GSDME: variants seen among roughly 807,000 people sequenced by gnomAD.
GSDME encodes the protein gasdermin E, also known as gasdermin-E.
Under a neutral mutation model 47.5 loss-of-function variants are expected in GSDME, and 44 were observed. The observed-to-expected ratio is 0.93, with a 90% CI of 0.73 to 1.19. The LOEUF is 1.19. Ranked by LOEUF, GSDME falls within the 50% of genes most tolerant of loss-of-function variation. GSDME has a pLI of 0.00. For synonymous variants in GSDME, 258 were observed against 252.8 expected (o/e 1.02, Z -0.20); for missense variants, 663 against 604.2 (o/e 1.10, Z -1.02).
intron 5 of GSDME, 36 bp from the exon 6 acceptor site, chr7:24,710,424 T>C (rs891388393): frequency 9.9e-6 from 16 of 1,612,676 alleles, no homozygotes; most frequent in African/African-American, 1.3e-5. Flanking sequence ...TTAGGTAAAG[T>C]TGAGTCTAAG....
intron 2 of GSDME, among the ~76,000 whole-genome samples, chr7:24,747,819 C>T (rs542980066): frequency 1.6e-4 from 24 of 152,142 alleles, no homozygotes; most frequent in Middle Eastern, 3.4e-3. Context: ...ACGTGTATGC[C>T]ACCATGCCTG....
chr7:24,748,144 G>GTA (rs149368687), intron 2 of GSDME, among the ~76,000 whole-genome samples: 1,950 of 140,886 alleles, frequency 0.014, 22 homozygotes, highest in Non-Finnish European at 0.021. Flanking sequence ...ATTATATAGA[G>GTA]TATATATATA....
chr7:24,703,218 C>G (rs1225841501), intron 8 of GSDME: 1 of 340,776 alleles, frequency 2.9e-6, no homozygotes, highest in Non-Finnish European at 5.7e-6. Context: ...GTACACCTCT[C>G]TCAGCCTCAG....
chr7:24,708,235 C>G lies in GSDME; in HGVS notation c.882G>C (p.Arg294Ser). 6.2e-7 allele frequency: 1 copy of G among 1,614,128 alleles called. No individual in the cohort carries two copies. The highest frequency in any genetic ancestry group is 8.5e-7 in the Non-Finnish European group (1 of 1,180,022). ...GCAGCTCCGCAAATGGATGGAAATT[C>G]CTCTCCAGGAGCAGGGTCGCTGTGA... ...VLKQATLLLE[R>S]NFHPFAELPE... Residue 294 changes from arginine (R) to serine (S), a missense_variant, in exon 7 of 10, where the codon AGG (arginine) becomes AGC (serine). By Grantham distance (110) the Arg-to-Ser change is moderately radical (BLOSUM62 -1). Transcript: ENST00000645220.
upstream of GSDME, among the ~76,000 whole-genome samples, chr7:24,761,947 T>A (rs1440044651): frequency 6.6e-6 from 1 of 152,178 alleles, no homozygotes; most frequent in East Asian, 1.9e-4. This position sits in a 1 kb window ranked among gnomAD's most constrained non-coding sequence, Gnocchi z 4.4. Flanking sequence ...CCGCCCTTGT[T>A]TTCATGAAAG....
chr7:24,767,731 T>G, the GSDME span, among the ~76,000 whole-genome samples: 1 of 152,200 alleles, frequency 6.6e-6, no homozygotes, highest in African/African-American at 2.4e-5. This position sits in a 1 kb window ranked among gnomAD's most constrained non-coding sequence, Gnocchi z 5.3. Flanking sequence ...ATTTTGTATT[T>G]TCCAAAATTC....
chr7:24,793,909 T>C, the GSDME span, among the ~76,000 whole-genome samples: 1 of 152,188 alleles, frequency 6.6e-6, no homozygotes, highest in Non-Finnish European at 1.5e-5. Flanking sequence ...ACAGATTGAA[T>C]GTATTTGGGC....
chr7:24,708,934 C>T (rs1378932187), intron 6 of GSDME, among the ~76,000 whole-genome samples: 2 of 152,136 alleles, frequency 1.3e-5, no homozygotes, highest in Non-Finnish European at 2.9e-5. Flanking sequence ...TTTTAAGATA[C>T]TCAGAAGCTT....
the GSDME span, among the ~76,000 whole-genome samples, chr7:24,794,206 CTT>C: frequency 3.3e-5 from 5 of 152,074 alleles, no homozygotes; most frequent in East Asian, 7.7e-4. Flanking sequence ...GCCTCTTTCT[CTT>C]TGACTTCCTC....
intron 5 of GSDME, chr7:24,715,552 C>T (rs1436496176): frequency 1.1e-5 from 5 of 467,360 alleles, no homozygotes; most frequent in Non-Finnish European, 2.2e-5. Context: ...TGGACAGGAC[C>T]ACCAAGGCAG....
At chr7:24,727,654 C>T (rs1790012973) in intron 3 of GSDME, among the ~76,000 whole-genome samples, 1 of 152,232 alleles carries the variant, frequency 6.6e-6, no homozygotes, top group Admixed American at 6.5e-5. Flanking sequence ...AACTCCTTGG[C>T]TTTGCCTTTG....
rs542510282 is a variant in GSDME at position 24,732,166 on chromosome 7, C to T, written c.404+12396G>A. ...ATGGACAGAAGTCTTCATTGTTAGG[C>T]ACAAACTGTTTACTAAAAATAATGA... On this transcript the variant is annotated intron_variant, in intron 3 of 9. Transcript: ENST00000645220. This position sits in a 1 kb window ranked among gnomAD's most constrained non-coding sequence, Gnocchi z 4.8. 3.3e-5 allele frequency among the ~76,000 whole-genome samples: 5 copies of T among 152,298 alleles called. No individual in the cohort carries two copies. Among genetic ancestry groups the T allele is most frequent in the Admixed American group, 3.3e-4 (5 of 15,294 alleles).
chr7:24,749,093 G>A (rs914581613), intron 2 of GSDME, among the ~76,000 whole-genome samples: 3 of 152,138 alleles, frequency 2.0e-5, no homozygotes, highest in South Asian at 2.1e-4. Context: ...AATGTGTCAC[G>A]TCAGGCCTGC....
chr7:24,709,166 G>A (rs760011155), intron 6 of GSDME, among the ~76,000 whole-genome samples: 11 of 152,228 alleles, frequency 7.2e-5, no homozygotes, highest in Non-Finnish European at 1.5e-4. Flanking sequence ...AGCCTGAAGA[G>A]AGAAGCTGTC....
the GSDME span, among the ~76,000 whole-genome samples, chr7:24,788,279 G>A: frequency 6.6e-5 from 10 of 152,210 alleles, no homozygotes; most frequent in African/African-American, 9.6e-5. The surrounding 1 kb of genome is among the most constrained non-coding windows in gnomAD (Gnocchi z 4.6). Context: ...GGGGCACTGC[G>A]ATGAGTGGTG....
At position 24,712,125 on chromosome 7, in the gene GSDME, AG is replaced by A. The variant is rs1789379266; in HGVS notation, c.698-1738del. On this transcript the variant is annotated intron_variant, in intron 5 of 9. Coordinates refer to ENST00000645220, the MANE Select transcript of GSDME (RefSeq NM_001127453.2). The surrounding 1 kb of genome is among the most constrained non-coding windows in gnomAD (Gnocchi z 4.4). ...GATGCTCATAAAGATAGAATGGAAA[AG>A]AAAAAGAAGAATGGCTGTCTAAAGA... Among the ~76,000 whole-genome samples the A allele has an allele frequency of 2.6e-5, 4 of 152,366 alleles. No homozygotes were observed. The highest frequency in any genetic ancestry group is 2.6e-4 in the Admixed American group (4 of 15,308).
At chr7:24,731,845 G>A (rs1790155541) in intron 3 of GSDME, among the ~76,000 whole-genome samples, 1 of 152,226 alleles carries the variant, frequency 6.6e-6, no homozygotes, top group Admixed American at 6.5e-5. Flanking sequence ...TGGTTAGGAG[G>A]TGGCATAGTA....
the GSDME span, among the ~76,000 whole-genome samples, chr7:24,780,121 C>T: frequency 1.9e-4 from 29 of 152,258 alleles, no homozygotes; most frequent in Non-Finnish European, 3.5e-4. This position sits in a 1 kb window ranked among gnomAD's most constrained non-coding sequence, Gnocchi z 4.1. Context: ...GAGGCCATCT[C>T]CAGCATCCCT....
rs1299297874 is a variant in GSDME, at chr7:24,721,550, G to A, written c.405-2332C>T. Among the ~76,000 whole-genome samples the A allele has an allele frequency of 6.6e-6, 1 of 152,154 alleles. No homozygotes were observed. Among genetic ancestry groups the A allele is most frequent in the African/African-American group, 2.4e-5 (1 of 41,434 alleles). ...TGGTAACAGGGCCCCCTCCTCATGG[G>A]GTTCCGTCAGGGTTTAGATGACATG... On this transcript the variant is annotated intron_variant, in intron 3 of 9. Transcript: ENST00000645220. This position sits in a 1 kb window ranked among gnomAD's most constrained non-coding sequence, Gnocchi z 4.1.
Sources: gnomAD v4.1 joint callset for allele counts (sites outside exome capture counted in the v4.1 genomes callset) on GRCh38, gnomAD v4.1.1 for gene constraint, Gnocchi (gnomAD v3.1) non-coding constraint, MANE v1.5 for transcripts, NCBI Gene and HGNC (gene_info 2026-07-23, HGNC 2026-07-21) for gene names.